ATP10B: variants seen among roughly 807,000 people sequenced by gnomAD.
ATP10B encodes the protein phospholipid-transporting ATPase VB.
Under a neutral mutation model 141.2 loss-of-function variants are expected in ATP10B, and 122 were observed. That is an observed-to-expected ratio of 0.86 (90% CI 0.75 to 1.00). The LOEUF is 1.00. ATP10B is among the 50% of genes least tolerant of loss of function. The pLI, the probability that ATP10B is intolerant of heterozygous loss-of-function variation, is 0.00. For missense variants in ATP10B, 1,876 were observed against 1,825.3 expected, an observed-to-expected ratio of 1.03 and a Z score of -0.51; for synonymous variants, 685 against 692.0, an observed-to-expected ratio of 0.99 and a Z score of 0.16.
the ATP10B span, among the ~76,000 whole-genome samples, chr5:160,913,307 G>A: frequency 1.3e-5 from 2 of 152,124 alleles, no homozygotes; most frequent in African/African-American, 4.8e-5. Flanking sequence ...AATCCCAGAA[G>A]CTAAGATTTG....
At chr5:160,871,952 T>C in the ATP10B span, among the ~76,000 whole-genome samples, 1 of 152,192 alleles carries the variant, frequency 6.6e-6, no homozygotes. Flanking sequence ...CTACTTTTAG[T>C]TATTTAAGGA....
intron 2 of ATP10B, among the ~76,000 whole-genome samples, chr5:160,741,490 C>T (rs1399287848): frequency 6.6e-6 from 1 of 152,152 alleles, no homozygotes; most frequent in Admixed American, 6.5e-5. Context: ...CAAGCAGTTC[C>T]TTCTTTTCTA....
intron 1 of ATP10B, among the ~76,000 whole-genome samples, chr5:160,816,093 A>G (rs1412260180): frequency 6.6e-6 from 1 of 151,682 alleles, no homozygotes; most frequent in Admixed American, 6.6e-5. Flanking sequence ...TAACATCACA[A>G]TTAAAAGAAC....
intron 3 of ATP10B, among the ~76,000 whole-genome samples, chr5:160,692,332 T>C (rs754158941): frequency 6.6e-6 from 1 of 152,218 alleles, no homozygotes; most frequent in Non-Finnish European, 1.5e-5. Context: ...AATCACTTTT[T>C]AGTGGAGAAA....
At chr5:160,709,608 A>ATT (rs34526186) in intron 3 of ATP10B, among the ~76,000 whole-genome samples, 142 of 143,188 alleles carry the variant, frequency 9.9e-4, no homozygotes, top group Middle Eastern at 7.4e-3. Context: ...TTTTTTTTTA[A>ATT]TTTTTTTTTT....
At chr5:160,642,088 G>A (rs1759910289) in intron 9 of ATP10B, among the ~76,000 whole-genome samples, 2 of 152,012 alleles carry the variant, frequency 1.3e-5, no homozygotes, top group African/African-American at 4.8e-5. Flanking sequence ...GAAGTATGGG[G>A]CAGTGGATAA....
chr5:160,817,599 A>G (rs1360367206), intron 1 of ATP10B, among the ~76,000 whole-genome samples: 2 of 152,212 alleles, frequency 1.3e-5, no homozygotes. Flanking sequence ...ATTTTATGCC[A>G]TCCCCATCAA....
chr5:160,877,711 A>G, the ATP10B span, among the ~76,000 whole-genome samples: 1 of 140,322 alleles, frequency 7.1e-6, no homozygotes, highest in Admixed American at 7.3e-5. Context: ...ATCAATGTAC[A>G]AAAATCACAA....
intron 13 of ATP10B, among the ~76,000 whole-genome samples, chr5:160,630,154 T>A (rs1468286905): frequency 1.3e-5 from 2 of 152,208 alleles, no homozygotes; most frequent in Non-Finnish European, 1.5e-5. Context: ...AAAGAACATA[T>A]CACCATCTTC....
Position 160,636,203 on chromosome 5 carries a change from G to T in ATP10B, c.1107C>A (p.Leu369=). The change falls in exon 11 of 26, where the codon CTC becomes CTA. Residue 369 remains leucine (L), a synonymous_variant. Transcript: ENST00000327245. ...PSALGGFYMF[L]TMIILLQVLI... is the part of the protein sequence containing the mutation. ...CTACCTGGAGCAGGATGATCATTGT[G>T]AGGAACATGTAGAAGCCCCCAAGGG... 1 of 1,611,400 alleles carries T rather than the reference G, an allele frequency of 6.2e-7. No homozygotes were observed. The highest frequency in any genetic ancestry group is 8.5e-7 in the Non-Finnish European group (1 of 1,178,784).
intron 1 of ATP10B, among the ~76,000 whole-genome samples, chr5:160,811,028 C>T (rs779904173): frequency 2.0e-5 from 3 of 152,288 alleles, no homozygotes; most frequent in Non-Finnish European, 4.4e-5. Flanking sequence ...TCCCGCTTTG[C>T]AGGACCCAGC....
chr5:160,646,662 T>A (rs766623692), intron 8 of ATP10B, among the ~76,000 whole-genome samples: 7 of 152,204 alleles, frequency 4.6e-5, no homozygotes, highest in Non-Finnish European at 8.8e-5. Context: ...CTAATGAACC[T>A]TGCTTGTCTC....
chr5:160,578,970 A>G lies in ATP10B; in HGVS notation c.3751-9287T>C, dbSNP rs555446873. 2.6e-4 allele frequency among the ~76,000 whole-genome samples: 40 copies of G among 152,328 alleles called. No homozygotes were observed. The South Asian group carries it at 8.1e-3, about 31-fold the overall frequency. On this transcript the variant is annotated intron_variant, in intron 24 of 25. Transcript: ENST00000327245. ...CTTTTTTCATATGTTTGTTGGCCAC[A>G]TAAATGTCTTCTTTTGAGAAGTATC...
At chr5:160,720,763 T>G (rs1765941058) in intron 2 of ATP10B, among the ~76,000 whole-genome samples, 1 of 152,228 alleles carries the variant, frequency 6.6e-6, no homozygotes, top group Admixed American at 6.5e-5. Flanking sequence ...TTCCTGGATG[T>G]TTTACCACAT....
In ATP10B at chr5:160,714,854, G is replaced by T. The variant is rs372507138; in HGVS notation, c.-205+2055C>A. Among the ~76,000 whole-genome samples the T allele has an allele frequency of 3.4e-5, 5 of 147,780 alleles. No individual in the cohort carries two copies. The East Asian group carries it at 1.0e-3, about 30-fold the overall frequency. The stretch of plus-strand genomic sequence containing the variant: ...TAACAGACAGGACCCTCAGCTGCAG[G>T]TCTGTTGGAATACCCTGCCGTGTGA... On this transcript the variant is annotated intron_variant, in intron 3 of 25. Transcript: ENST00000327245.
chr5:160,602,334 C>G (rs1157476729), intron 21 of ATP10B, among the ~76,000 whole-genome samples: 2 of 152,180 alleles, frequency 1.3e-5, no homozygotes, highest in East Asian at 3.8e-4. Context: ...TTCATGCTGC[C>G]CTCTGTGTGC....
intron 1 of ATP10B, among the ~76,000 whole-genome samples, chr5:160,787,684 G>A (rs1771272597): frequency 6.6e-6 from 1 of 152,140 alleles, no homozygotes; most frequent in African/African-American, 2.4e-5. Context: ...GCAGGAATTT[G>A]GGGAGGCTGT....
intron 1 of ATP10B, among the ~76,000 whole-genome samples, chr5:160,812,132 A>G (rs779336341): frequency 6.6e-6 from 1 of 152,130 alleles, no homozygotes; most frequent in Non-Finnish European, 1.5e-5. Flanking sequence ...CTTGTAATCC[A>G]GAAAATTCTT....
the ATP10B span, among the ~76,000 whole-genome samples, chr5:160,902,375 T>C: frequency 2.0e-5 from 3 of 152,192 alleles, no homozygotes; most frequent in Non-Finnish European, 2.9e-5. Context: ...TAATTTGCTA[T>C]ATGACCTTAA....
Sources: gnomAD v4.1 joint callset for allele counts (sites outside exome capture counted in the v4.1 genomes callset) on GRCh38, gnomAD v4.1.1 for gene constraint, MANE v1.5 for transcripts, NCBI Gene and HGNC (gene_info 2026-07-23, HGNC 2026-07-21) for gene names.